Variants in RPS6KC1 observed in about 807,000 individuals in gnomAD.
RPS6KC1 encodes the protein inactive ribosomal protein S6 kinase delta-1.
Under a neutral mutation model 103.8 loss-of-function variants are expected in RPS6KC1, and 54 were observed. The ratio of observed to expected loss-of-function variants is 0.52; its 90% CI spans 0.42 to 0.65. RPS6KC1 has a LOEUF of 0.65. Ranked by LOEUF, RPS6KC1 falls within the 30% of genes least tolerant of loss-of-function variation. The pLI, the probability that RPS6KC1 is intolerant of heterozygous loss-of-function variation, is 0.00. For missense variants in RPS6KC1, 1,151 were observed against 1,253.8 expected (o/e 0.92, Z 1.24); for synonymous variants, 439 against 438.7 (o/e 1.00, Z -0.01).
chr1:213,421,578 G>T, the RPS6KC1 span, among the ~76,000 whole-genome samples: 2 of 152,218 alleles, frequency 1.3e-5, no homozygotes, highest in African/African-American at 4.8e-5. Context: ...CTAACCCTGG[G>T]GCTCCAGGTT....
At chr1:213,370,235 GTTATTTTATTTTATTTATTTTATT>G in the RPS6KC1 span, among the ~76,000 whole-genome samples, 2 of 139,048 alleles carry the variant, frequency 1.4e-5, no homozygotes, top group South Asian at 2.3e-4. Flanking sequence ...CTGCTTCTCT[GTTATTTTATTTTATTTATTTTATT>G]TTATTTTATT....
intron 6 of RPS6KC1, among the ~76,000 whole-genome samples, chr1:213,134,215 C>T (rs2085995388): frequency 6.6e-6 from 1 of 151,912 alleles, no homozygotes; most frequent in South Asian, 2.1e-4. Flanking sequence ...GGTAGATTTG[C>T]TGCCATAGTT....
chr1:213,466,447 G>T, the RPS6KC1 span, among the ~76,000 whole-genome samples: 152 of 152,226 alleles, frequency 1.0e-3, 1 homozygote, highest in East Asian at 0.026. Context: ...CTTTAGGTGT[G>T]GCCAGGAATG....
At chr1:213,332,317 T>C in the RPS6KC1 span, among the ~76,000 whole-genome samples, 7 of 152,256 alleles carry the variant, frequency 4.6e-5, no homozygotes, top group Non-Finnish European at 8.8e-5. Context: ...CCTGGAGATA[T>C]GTTTTTAGGT....
chr1:213,310,114 G>T, the RPS6KC1 span, among the ~76,000 whole-genome samples: 1 of 152,150 alleles, frequency 6.6e-6, no homozygotes, highest in Admixed American at 6.5e-5. Flanking sequence ...CGGGTGTCCT[G>T]CACCTGGCTT....
At chr1:213,388,259 G>A in the RPS6KC1 span, among the ~76,000 whole-genome samples, 6 of 152,216 alleles carry the variant, frequency 3.9e-5, no homozygotes, top group Middle Eastern at 3.2e-3. Context: ...GCCCTTGGAC[G>A]GGGGAAGTCA....
chr1:213,792,156 A>G, the RPS6KC1 span, among the ~76,000 whole-genome samples: 5 of 152,270 alleles, frequency 3.3e-5, no homozygotes, highest in Admixed American at 3.3e-4. Flanking sequence ...ACATTCACAC[A>G]TACAAAAGAG....
At position 213,051,350 on chromosome 1, in the gene RPS6KC1, C is replaced by A; in HGVS notation, c.-55C>A. On this transcript the variant is annotated 5_prime_UTR_variant, in exon 1 of 15. Transcript: ENST00000366960. ...TGGGGAACCTGGACCGCGGCGGCGC[C>A]GGGTTTCCCTCATGATCCCGGGCGG... The A allele has an allele frequency of 7.0e-7, 1 of 1,421,624 alleles. No homozygotes were observed. Among genetic ancestry groups the A allele is most frequent in the Middle Eastern group, 2.2e-4 (1 of 4,566 alleles). The allele number at this position is 1,421,624 out of a possible 1,614,324, so 88.1% of individuals were successfully genotyped here. A position where few individuals can be genotyped will look rare whatever the true frequency, so the allele number is the denominator to read the frequency against.
At chr1:213,085,377 A>G (rs975526024) in intron 3 of RPS6KC1, among the ~76,000 whole-genome samples, 1 of 152,202 alleles carries the variant, frequency 6.6e-6, no homozygotes, top group Non-Finnish European at 1.5e-5. Context: ...CATATCTGCA[A>G]AGACTCTCTA....
intron 6 of RPS6KC1, among the ~76,000 whole-genome samples, chr1:213,138,423 T>C (rs748397503): frequency 2.0e-5 from 3 of 152,184 alleles, no homozygotes; most frequent in Admixed American, 6.5e-5. Context: ...AAATTGTGTG[T>C]CACAGGAGTT....
At chr1:213,088,981 G>T (rs1035053322) in intron 3 of RPS6KC1, among the ~76,000 whole-genome samples, 2 of 152,184 alleles carry the variant, frequency 1.3e-5, no homozygotes, top group African/African-American at 4.8e-5. Context: ...ATTTGTGCCA[G>T]AATGAAGTGA....
rs187203241 is a variant in RPS6KC1 at position 213,145,766 on chromosome 1, G to A, written c.835+15877G>A. On this transcript the variant is annotated intron_variant, in intron 6 of 14. Coordinates refer to ENST00000366960, the MANE Select transcript of RPS6KC1 (RefSeq NM_012424.6). The stretch of plus-strand genomic sequence containing the variant: ...ACATAGTAGGTGTATATATTTATGG[G>A]GTGCATGAGATGTTTTGATACAGGC... 5.7e-3 allele frequency among the ~76,000 whole-genome samples: 868 copies of A among 151,738 alleles called. 12 individuals are homozygous for A. The highest frequency in any genetic ancestry group is 0.018 in the African/African-American group (725 of 41,356).
chr1:213,714,968 C>T, the RPS6KC1 span, among the ~76,000 whole-genome samples: 1 of 152,076 alleles, frequency 6.6e-6, no homozygotes, highest in East Asian at 1.9e-4. Context: ...CAAGAGGGTG[C>T]ATAGAGGGGC....
At chr1:213,647,716 C>T in the RPS6KC1 span, among the ~76,000 whole-genome samples, 341 of 152,250 alleles carry the variant, frequency 2.2e-3, 1 homozygote, top group African/African-American at 7.9e-3. Context: ...CACAGCGTCC[C>T]TAGTGCCTTA....
chr1:213,274,816 A>G (rs1471529414), downstream of RPS6KC1: 2 of 152,194 alleles, frequency 1.3e-5, no homozygotes, highest in Non-Finnish European at 2.9e-5. Context: ...TATACATAAC[A>G]TAAAATTCAC....
At chr1:213,624,290 C>T in the RPS6KC1 span, among the ~76,000 whole-genome samples, 5 of 152,124 alleles carry the variant, frequency 3.3e-5, no homozygotes, top group African/African-American at 7.2e-5. Flanking sequence ...AAGGTCATTT[C>T]GTGTTTGGAG....
the RPS6KC1 span, among the ~76,000 whole-genome samples, chr1:213,651,438 G>A: frequency 6.6e-6 from 1 of 152,192 alleles, no homozygotes; most frequent in Non-Finnish European, 1.5e-5. Context: ...AGCCTTGAAG[G>A]CACTTCAAAT....
At chr1:213,843,311 C>T in the RPS6KC1 span, among the ~76,000 whole-genome samples, 3 of 152,304 alleles carry the variant, frequency 2.0e-5, no homozygotes, top group African/African-American at 7.2e-5. Flanking sequence ...GGCACCACAG[C>T]CTAGCCAAAG....
chr1:213,832,773 A>AT, the RPS6KC1 span: 5 of 152,188 alleles, frequency 3.3e-5, no homozygotes, highest in Non-Finnish European at 7.3e-5. Context: ...CATTAGAGTG[A>AT]TTTTTTTCTG....
Sources: gnomAD v4.1 joint callset for allele counts (sites outside exome capture counted in the v4.1 genomes callset) on GRCh38, gnomAD v4.1.1 for gene constraint, MANE v1.5 for transcripts, NCBI Gene and HGNC (gene_info 2026-07-23, HGNC 2026-07-21) for gene names.